Variants in MTUS1 observed in about 807,000 individuals in gnomAD.
The protein encoded by MTUS1 is microtubule-associated tumor suppressor 1.
MTUS1 carries 109 observed loss-of-function variants against 120.8 expected under a neutral mutation model. The observed-to-expected ratio is 0.90, with a 90% CI of 0.77 to 1.06. MTUS1 has a LOEUF of 1.06. MTUS1 is among the 50% of genes least tolerant of loss of function. The pLI is 0.00. For synonymous variants in MTUS1, 737 were observed against 550.5 expected, an observed-to-expected ratio of 1.34 and a Z score of -4.74; for missense variants, 2,210 against 1,486.3, an observed-to-expected ratio of 1.49 and a Z score of -8.01.
intron 8 of MTUS1, among the ~76,000 whole-genome samples, chr8:17,671,919 A>G (rs1419559487): frequency 2.6e-5 from 4 of 152,110 alleles, no homozygotes; most frequent in African/African-American, 9.7e-5. Context: ...CTTTATATGC[A>G]TTACTATTTT....
At chr8:17,751,954 T>C (rs1586165520) in intron 2 of MTUS1, among the ~76,000 whole-genome samples, 1 of 151,856 alleles carries the variant, frequency 6.6e-6, no homozygotes, top group East Asian at 1.9e-4. Context: ...GGACAATCTT[T>C]CAAGACTTAC....
intron 1 of MTUS1, among the ~76,000 whole-genome samples, chr8:17,797,299 G>A (rs1341836143): frequency 6.6e-6 from 1 of 152,140 alleles, no homozygotes; most frequent in East Asian, 1.9e-4. Flanking sequence ...TGTAGTCCCA[G>A]ATACTCAGGA....
At chr8:17,716,611 G>A (rs1037908442) in intron 4 of MTUS1, 6 of 158,436 alleles carry the variant, frequency 3.8e-5, no homozygotes, top group African/African-American at 1.2e-4. Flanking sequence ...CTGGAGTGCA[G>A]TGGCATGATC....
intron 4 of MTUS1, among the ~76,000 whole-genome samples, chr8:17,719,282 C>G (rs1822945823): frequency 6.6e-6 from 1 of 152,202 alleles, no homozygotes; most frequent in Non-Finnish European, 1.5e-5. Flanking sequence ...TGTATATACA[C>G]ACAGAGCCAA....
intron 8 of MTUS1, among the ~76,000 whole-genome samples, chr8:17,660,039 G>A (rs1390324954): frequency 6.6e-6 from 1 of 152,106 alleles, no homozygotes; most frequent in African/African-American, 2.4e-5. Flanking sequence ...TCCAAGCTGT[G>A]GGATGTGTCA....
At chr8:17,791,911 A>G (rs2051816654) in intron 1 of MTUS1, among the ~76,000 whole-genome samples, 1 of 152,186 alleles carries the variant, frequency 6.6e-6, no homozygotes, top group African/African-American at 2.4e-5. Context: ...TATACCTGGC[A>G]CCTGTGTCAG....
Position 17,655,877 on chromosome 8 carries a change from G to A in MTUS1, c.3094C>T (p.Gln1032Ter). Residue 1032 changes from glutamine to a stop codon, truncating the protein, a stop_gained, in exon 9 of 15, where the codon CAA becomes TAA. Coordinates refer to ENST00000693296, the MANE Select transcript of MTUS1 (RefSeq NM_001363059.2). LOFTEE classifies it high-confidence loss of function. ...AAAGCACAGACCTGCTCTTGCAATT[G>A]CATTTTGTACTTCTCTGCTTCTTCA... Reference protein sequence around the residue: ...YIEEAEKYKMQLQEQFDNLNA... With the variant: ...YIEEAEKYKM The A allele has an allele frequency of 6.2e-7, 1 of 1,614,180 alleles. No individual in the cohort carries two copies. Among genetic ancestry groups the A allele is most frequent in the Middle Eastern group, 1.6e-4 (1 of 6,062 alleles).
At chr8:17,675,115 A>T in intron 8 of MTUS1, 71 bp downstream of exon 8, 1 of 1,604,824 alleles carries the variant, frequency 6.2e-7, no homozygotes, top group South Asian at 1.1e-5. Flanking sequence ...CACAACGCAG[A>T]CAGGACAACC....
rs192158921 is a variant in MTUS1, at chr8:17,698,266, T to C, written c.2624-13724A>G. ...TTATAGAACATCATGTGGTCTCTTATAGTGGTCTTTCAAGACTAGGAGTGT... is the reference window on the plus strand; with the variant it reads ...TTATAGAACATCATGTGGTCTCTTACAGTGGTCTTTCAAGACTAGGAGTGT... On this transcript the variant is annotated intron_variant, in intron 6 of 14. Coordinates refer to ENST00000693296, the MANE Select transcript of MTUS1 (RefSeq NM_001363059.2). Among the ~76,000 whole-genome samples the C allele has an allele frequency of 1.7e-4, 26 of 152,326 alleles. No individual in the cohort carries two copies. The South Asian group carries it at 4.1e-3, about 24-fold the overall frequency.
intron 8 of MTUS1, among the ~76,000 whole-genome samples, chr8:17,663,697 G>C (rs138891748): frequency 0.014 from 2,181 of 152,252 alleles, 56 homozygotes; most frequent in African/African-American, 0.049. Flanking sequence ...CCAGGTTTAA[G>C]CGATTCTCCT....
chr8:17,774,403 G>A (rs548401702), intron 1 of MTUS1, among the ~76,000 whole-genome samples: 2 of 152,328 alleles, frequency 1.3e-5, no homozygotes, highest in African/African-American at 4.8e-5. Flanking sequence ...AGAGGATAAG[G>A]ACTGGGGAAG....
chr8:17,684,750 TAA>T (rs1250108245), intron 6 of MTUS1, among the ~76,000 whole-genome samples: 3 of 152,184 alleles, frequency 2.0e-5, no homozygotes, highest in African/African-American at 7.2e-5. Context: ...TTTATGACTT[TAA>T]AAGATTTATG....
intron 1 of MTUS1, among the ~76,000 whole-genome samples, chr8:17,765,404 A>C (rs1049212360): frequency 6.6e-6 from 1 of 152,062 alleles, no homozygotes; most frequent in Non-Finnish European, 1.5e-5. Context: ...CGAGGCAGGC[A>C]GATAACCTGA....
At chr8:17,699,828 G>T (rs1818687498) in intron 6 of MTUS1, among the ~76,000 whole-genome samples, 1 of 152,160 alleles carries the variant, frequency 6.6e-6, no homozygotes, top group Non-Finnish European at 1.5e-5. Context: ...ACTGCTCCAA[G>T]CACTCTCTTA....
In MTUS1 at chr8:17,784,523, A is replaced by C. The variant is rs12549697; in HGVS notation, c.-155+16538T>G. Among the ~76,000 whole-genome samples, 5 of 151,950 alleles carry C rather than the reference A, an allele frequency of 3.3e-5. No homozygotes were observed. In the East Asian group the frequency reaches 9.7e-4, roughly 30 times the overall value. On this transcript the variant is annotated intron_variant, in intron 1 of 14. Transcript: ENST00000693296. ...TTGGCCAGGCTGGTTTTGAACTCCT[A>C]ATCTCAGGTGATCTGCCTGCCTCGG... is the stretch of plus-strand genomic sequence containing the variant.
At position 17,655,906 on chromosome 8, in the gene MTUS1, T is replaced by TA; in HGVS notation, c.3064dup (p.Tyr1022LeufsTer3). The TA allele has an allele frequency of 6.2e-7, 1 of 1,614,234 alleles. No homozygotes were observed. Among genetic ancestry groups the TA allele is most frequent in the Non-Finnish European group, 8.5e-7 (1 of 1,180,036 alleles). On this transcript the variant is annotated frameshift_variant, in exon 9 of 15. Coordinates refer to ENST00000693296, the MANE Select transcript of MTUS1 (RefSeq NM_001363059.2). LOFTEE classifies it high-confidence loss of function. The stretch of plus-strand genomic sequence containing the variant: ...TTTGTACTTCTCTGCTTCTTCAATG[T>TA]AAGTGTCCCGAAGCTTTTCATACTC...
intron 8 of MTUS1, among the ~76,000 whole-genome samples, chr8:17,672,552 C>A (rs1812244128): frequency 6.6e-6 from 1 of 152,220 alleles, no homozygotes; most frequent in South Asian, 2.1e-4. Flanking sequence ...AACAATCCCA[C>A]TGGCAGCCTT....
chr8:17,679,250 G>C (rs918975171), intron 7 of MTUS1, among the ~76,000 whole-genome samples: 2 of 151,212 alleles, frequency 1.3e-5, no homozygotes, highest in Admixed American at 1.3e-4. Context: ...AAAATACATA[G>C]ACATACAATG....
In MTUS1 at chr8:17,654,891, C is replaced by A. The variant is rs1032306702; in HGVS notation, c.3109-225G>T. On this transcript the variant is annotated intron_variant, in intron 9 of 14. Transcript: ENST00000693296. ...TCACTTGGAGCCCAGCAGTTCAAGT[C>A]CAGCCTGGGCAATGTCGCGAGACTC... 6 of 553,532 alleles carry A rather than the reference C, an allele frequency of 1.1e-5. No individual in the cohort carries two copies. In the African/African-American group the frequency reaches 1.1e-4, roughly 10 times the overall value. 34.3% of individuals were successfully genotyped at this position (553,532 alleles called of 1,614,324 possible). A position where few individuals can be genotyped will look rare whatever the true frequency, so the allele number is the denominator to read the frequency against.
Sources: gnomAD v4.1 joint callset for allele counts (sites outside exome capture counted in the v4.1 genomes callset) on GRCh38, gnomAD v4.1.1 for gene constraint, MANE v1.5 for transcripts, NCBI Gene and HGNC (gene_info 2026-07-23, HGNC 2026-07-21) for gene names.